Variants in FAM107B observed in about 807,000 individuals in gnomAD.
The protein encoded by FAM107B is family with sequence similarity 107 member B, also known as protein FAM107B.
In FAM107B, 21 loss-of-function variants were observed where a neutral mutation model predicts 31.5. The observed-to-expected ratio is 0.67, with a 90% CI of 0.47 to 0.96. The LOEUF is 0.96. Among genes scored for constraint, FAM107B ranks in the 40% least tolerant of loss-of-function variants. The pLI is 0.00. For synonymous variants in FAM107B, 157 were observed against 141.5 expected, an observed-to-expected ratio of 1.11 and a Z score of -0.78; for missense variants, 452 against 377.1, an observed-to-expected ratio of 1.20 and a Z score of -1.64.
At chr10:14,627,428 A>C (rs1853193693) in intron 2 of FAM107B, among the ~76,000 whole-genome samples, 1 of 152,208 alleles carries the variant, frequency 6.6e-6, no homozygotes, top group South Asian at 2.1e-4. Flanking sequence ...AATCATGCAA[A>C]TATCTGTTAA....
chr10:14,749,123 G>A (rs1266438401), intron 1 of FAM107B, among the ~76,000 whole-genome samples: 1 of 152,208 alleles, frequency 6.6e-6, no homozygotes, highest in Non-Finnish European at 1.5e-5. Flanking sequence ...ACAATCCAAG[G>A]GCTGCGAGAG....
chr10:14,559,119 A>AAAAC (rs1564565837), intron 2 of FAM107B, among the ~76,000 whole-genome samples: 3 of 35,636 alleles, frequency 8.4e-5, no homozygotes, highest in African/African-American at 2.7e-4. Flanking sequence ...AAAAAAAAAC[A>AAAAC]AAAAAAAAAC....
intron 3 of FAM107B, 27 bp from the exon 4 acceptor site, chr10:14,522,046 A>T: frequency 6.3e-7 from 1 of 1,591,076 alleles, no homozygotes; most frequent in South Asian, 1.2e-5. Flanking sequence ...ACAAAAATAG[A>T]AAACGTTAAT....
At chr10:14,645,271 C>T (rs947873171) in intron 2 of FAM107B, among the ~76,000 whole-genome samples, 1 of 152,196 alleles carries the variant, frequency 6.6e-6, no homozygotes, top group Non-Finnish European at 1.5e-5. Flanking sequence ...CTACAAAAAG[C>T]TCCTTTACTG....
Position 14,581,455 on chromosome 10 carries a change from G to A in FAM107B, c.470-50940C>T, listed in dbSNP as rs1327014816. 2.6e-5 allele frequency among the ~76,000 whole-genome samples: 4 copies of A among 152,202 alleles called. No homozygotes were observed. The South Asian group carries it at 8.3e-4, about 31-fold the overall frequency. On this transcript the variant is annotated intron_variant, in intron 2 of 4. Transcript: ENST00000181796. ...GTTGATTCAAGTGTCAGAGTTCCAG[G>A]CCACCAAATGCAGTGGAAAAATTAA...
intron 1 of FAM107B, among the ~76,000 whole-genome samples, chr10:14,738,670 G>A (rs535665101): frequency 5.3e-5 from 8 of 152,262 alleles, no homozygotes; most frequent in African/African-American, 1.4e-4. Flanking sequence ...TGTAGGCCTC[G>A]GGAAGGTAAG....
chr10:14,602,119 T>A (rs1326302588), intron 2 of FAM107B, among the ~76,000 whole-genome samples: 3 of 152,092 alleles, frequency 2.0e-5, no homozygotes, highest in Non-Finnish European at 4.4e-5. Context: ...ACATCACGAC[T>A]CCTGAAGGAA....
intron 1 of FAM107B, among the ~76,000 whole-genome samples, chr10:14,768,484 C>A (rs1483781994): frequency 6.6e-6 from 1 of 152,092 alleles, no homozygotes; most frequent in Non-Finnish European, 1.5e-5. Context: ...AGAAACAAAC[C>A]CTCACATATA....
chr10:14,604,373 G>C, intron 2 of FAM107B: 1 of 427,904 alleles, frequency 2.3e-6, no homozygotes, highest in South Asian at 9.3e-5. Flanking sequence ...GGCCCGGCCC[G>C]CAAGCCAGTC....
intron 1 of FAM107B, among the ~76,000 whole-genome samples, chr10:14,672,543 A>C (rs1854586430): frequency 6.6e-6 from 1 of 152,262 alleles, no homozygotes; most frequent in South Asian, 2.1e-4. Flanking sequence ...GTTTCTAAAC[A>C]TAGAAAAGGT....
chr10:14,622,595 T>C (rs1254993136), intron 2 of FAM107B, among the ~76,000 whole-genome samples: 1 of 152,038 alleles, frequency 6.6e-6, no homozygotes, highest in African/African-American at 2.4e-5. Flanking sequence ...ATGAGATTCT[T>C]AAACCAGGCC....
intron 2 of FAM107B, among the ~76,000 whole-genome samples, chr10:14,573,372 A>G (rs193116634): frequency 6.6e-6 from 1 of 152,220 alleles, no homozygotes; most frequent in Non-Finnish European, 1.5e-5. Flanking sequence ...TGATGCAGCA[A>G]GAAGGCCCTC....
intron 1 of FAM107B, among the ~76,000 whole-genome samples, chr10:14,719,701 G>A (rs1021746105): frequency 4.6e-5 from 7 of 152,094 alleles, no homozygotes; most frequent in East Asian, 1.9e-4. Context: ...TCTCTGCTTC[G>A]GGCAGCACTC....
rs1365754326 is a variant in FAM107B, at chr10:14,762,851, T to C, written c.411+11402A>G. 2.6e-5 allele frequency among the ~76,000 whole-genome samples: 4 copies of C among 152,152 alleles called. No homozygotes were observed. The East Asian group carries it at 7.7e-4, about 29-fold the overall frequency. ...GACCAAGTCCTCTACAGAAGCATGA[T>C]GGATCTTGAACCTCATTTGGTCCTT... On this transcript the variant is annotated intron_variant, in intron 1 of 4. Coordinates refer to ENST00000181796, the MANE Select transcript of FAM107B (RefSeq NM_031453.4).
chr10:14,701,714 GT>G (rs111354098), intron 1 of FAM107B, among the ~76,000 whole-genome samples: 117 of 146,268 alleles, frequency 8.0e-4, no homozygotes, highest in South Asian at 4.3e-3. Context: ...GCAAAGAGTT[GT>G]TTTTTTTTTT....
chr10:14,596,012 C>T (rs192951557), intron 2 of FAM107B, among the ~76,000 whole-genome samples: 116 of 152,336 alleles, frequency 7.6e-4, no homozygotes, highest in Non-Finnish European at 1.5e-3. Flanking sequence ...TCATGAGCCA[C>T]GTCCTCACCG....
chr10:14,689,307 G>T (rs1855068220), intron 1 of FAM107B, among the ~76,000 whole-genome samples: 1 of 150,396 alleles, frequency 6.6e-6, no homozygotes, highest in Admixed American at 6.6e-5. Context: ...TTGAACCCAG[G>T]AGGTCGAGGC....
intron 1 of FAM107B, among the ~76,000 whole-genome samples, chr10:14,712,626 A>AAAAAAAAAAAAAG (rs1554851690): frequency 6.8e-5 from 10 of 146,946 alleles, no homozygotes; most frequent in South Asian, 2.1e-4. Context: ...AACAAAAAAA[A>AAAAAAAAAAAAAG]AAGAAGAAGA....
intron 1 of FAM107B, among the ~76,000 whole-genome samples, chr10:14,758,248 G>A (rs751075858): frequency 6.6e-6 from 1 of 152,126 alleles, no homozygotes; most frequent in Non-Finnish European, 1.5e-5. Context: ...ACCTGGTAGT[G>A]GGAACTGTTT....
Sources: allele counts gnomAD v4.1 joint callset (sites outside exome capture counted in the v4.1 genomes callset), GRCh38; gene constraint gnomAD v4.1.1; transcripts MANE v1.5; gene names NCBI Gene and HGNC (gene_info 2026-07-23, HGNC 2026-07-21).